Variants in PTPRD observed in about 807,000 individuals in gnomAD.
The protein encoded by PTPRD is receptor-type tyrosine-protein phosphatase delta.
PTPRD carries 34 observed loss-of-function variants against 214.5 expected under a neutral mutation model. The ratio of observed to expected loss-of-function variants is 0.16; its 90% CI spans 0.12 to 0.21. PTPRD has a LOEUF of 0.21. Among genes scored for constraint, PTPRD ranks in the 10% least tolerant of loss-of-function variants. PTPRD has a pLI of 1.00. For missense variants in PTPRD, 2,545 were observed against 2,398.7 expected (o/e 1.06, Z -1.27); for synonymous variants, 1,128 against 845.7 (o/e 1.33, Z -5.79).
intron 5 of PTPRD, among the ~76,000 whole-genome samples, chr9:9,914,543 A>T (rs578221104): frequency 2.6e-5 from 4 of 152,320 alleles, no homozygotes; most frequent in Admixed American, 6.5e-5. Context: ...ACAGCCTTGC[A>T]GATTGCCCTT....
chr9:10,570,966 C>T (rs2067240809), intron 2 of PTPRD, among the ~76,000 whole-genome samples: 1 of 151,778 alleles, frequency 6.6e-6, no homozygotes. Context: ...AAATGAAGGC[C>T]TCAAACCCAT....
At chr9:9,194,892 T>C (rs1216467942) in intron 9 of PTPRD, among the ~76,000 whole-genome samples, 1 of 151,976 alleles carries the variant, frequency 6.6e-6, no homozygotes. Context: ...AGTTTGTATC[T>C]TTAGTAAGTC....
intron 4 of PTPRD, among the ~76,000 whole-genome samples, chr9:10,024,386 T>A (rs1172327020): frequency 6.6e-6 from 1 of 152,176 alleles, no homozygotes; most frequent in East Asian, 1.9e-4. Context: ...CCTGGTGTCT[T>A]GAGAAAATGG....
At chr9:8,332,968 A>C (rs1587869195) in intron 43 of PTPRD, among the ~76,000 whole-genome samples, 1 of 152,158 alleles carries the variant, frequency 6.6e-6, no homozygotes, top group South Asian at 2.1e-4. Flanking sequence ...GTAAGTGAAC[A>C]GGGACTCAAT....
intron 37 of PTPRD, among the ~76,000 whole-genome samples, chr9:8,387,533 A>G (rs888719335): frequency 1.3e-5 from 2 of 152,364 alleles, no homozygotes; most frequent in Admixed American, 1.3e-4. Context: ...AGTTATCTCC[A>G]GGCAGAACAG....
intron 4 of PTPRD, among the ~76,000 whole-genome samples, chr9:10,014,303 G>C (rs953515723): frequency 2.6e-5 from 4 of 151,956 alleles, no homozygotes; most frequent in African/African-American, 9.7e-5. Flanking sequence ...TCCCATTCAG[G>C]TAATTAGGTT....
chr9:8,713,604 G>C, intron 12 of PTPRD: 3 of 1,529,930 alleles, frequency 2.0e-6, no homozygotes, highest in South Asian at 2.2e-5. Flanking sequence ...GGGAATACCG[G>C]GACCTGACCA....
intron 3 of PTPRD, among the ~76,000 whole-genome samples, chr9:10,171,321 T>C (rs113214034): frequency 1.1e-3 from 164 of 152,138 alleles, no homozygotes; most frequent in African/African-American, 3.8e-3. Context: ...GTTTCCTCCA[T>C]ACGGTTCTTG....
chr9:9,573,449 A>G (rs955050949), intron 8 of PTPRD, among the ~76,000 whole-genome samples: 2 of 151,318 alleles, frequency 1.3e-5, no homozygotes, highest in African/African-American at 4.8e-5. Flanking sequence ...TATTGGTTAT[A>G]TGGGTGTAAT....
At chr9:9,437,360 A>G (rs546496679) in intron 8 of PTPRD, among the ~76,000 whole-genome samples, 1 of 152,226 alleles carries the variant, frequency 6.6e-6, no homozygotes, top group East Asian at 1.9e-4. Context: ...ATAACTTATA[A>G]TTTTTGATTG....
intron 3 of PTPRD, among the ~76,000 whole-genome samples, chr9:10,121,994 T>G (rs1365854316): frequency 2.0e-5 from 3 of 152,172 alleles, no homozygotes; most frequent in Non-Finnish European, 4.4e-5. Flanking sequence ...CACAATAGCT[T>G]CGGGCTTTTA....
intron 3 of PTPRD, among the ~76,000 whole-genome samples, chr9:10,327,043 T>G (rs1280357750): frequency 6.6e-6 from 1 of 151,336 alleles, no homozygotes; most frequent in Non-Finnish European, 1.5e-5. Context: ...TTTGATAAAT[T>G]AACTGATTCT....
At chr9:9,210,692 GTGCCACATGTA>G (rs950773873) in intron 9 of PTPRD, among the ~76,000 whole-genome samples, 4 of 151,914 alleles carry the variant, frequency 2.6e-5, no homozygotes, top group African/African-American at 9.7e-5. Context: ...CCACATACAT[GTGCCACATGTA>G]TGCCACATAC....
chr9:9,889,974 C>CAAGCTAGCTAGAGA (rs1293493151), intron 5 of PTPRD, among the ~76,000 whole-genome samples: 3 of 151,952 alleles, frequency 2.0e-5, no homozygotes, highest in African/African-American at 7.2e-5. Context: ...TAGCAGAGGG[C>CAAGCTAGCTAGAGA]AGTTCAGCAA....
intron 14 of PTPRD, among the ~76,000 whole-genome samples, chr9:8,605,934 G>A (rs930843184): frequency 6.6e-6 from 1 of 152,088 alleles, no homozygotes; most frequent in African/African-American, 2.4e-5. Flanking sequence ...GAGTCCTTTG[G>A]GTTTTTTTGT....
intron 11 of PTPRD, among the ~76,000 whole-genome samples, chr9:8,991,671 T>C (rs1395911182): frequency 6.6e-6 from 1 of 152,146 alleles, no homozygotes; most frequent in East Asian, 1.9e-4. Flanking sequence ...AGGCTTTGAG[T>C]AACACATTAG....
At chr9:10,147,912 A>C (rs1424577754) in intron 3 of PTPRD, among the ~76,000 whole-genome samples, 1 of 152,204 alleles carries the variant, frequency 6.6e-6, no homozygotes, top group Admixed American at 6.5e-5. Context: ...CATAAAAGCT[A>C]TATTTGTTTT....
intron 2 of PTPRD, among the ~76,000 whole-genome samples, chr9:10,464,097 G>C (rs1289145032): frequency 1.3e-5 from 2 of 151,412 alleles, no homozygotes; most frequent in Non-Finnish European, 3.0e-5. Flanking sequence ...AAAGTTATCA[G>C]ATTAAGAAAG....
At chr9:9,437,297 T>A (rs865870688) in intron 8 of PTPRD, among the ~76,000 whole-genome samples, 2 of 152,180 alleles carry the variant, frequency 1.3e-5, no homozygotes, top group African/African-American at 4.8e-5. Context: ...GGAAGTTTTT[T>A]CAAAATGTAT....
Sources: gnomAD v4.1 joint callset for allele counts (sites outside exome capture counted in the v4.1 genomes callset) on GRCh38, gnomAD v4.1.1 for gene constraint, MANE v1.5 for transcripts, NCBI Gene and HGNC (gene_info 2026-07-23, HGNC 2026-07-21) for gene names.